Variants in SLC29A3 observed in about 807,000 individuals in gnomAD.
The protein encoded by SLC29A3 is solute carrier family 29 member 3.
In SLC29A3, 18 loss-of-function variants were observed where a neutral mutation model predicts 25.4. The observed-to-expected ratio is 0.71, with a 90% CI of 0.49 to 1.05. SLC29A3 has a LOEUF of 1.05. Among genes scored for constraint, SLC29A3 ranks in the 50% least tolerant of loss-of-function variants. The pLI, the probability that SLC29A3 is intolerant of heterozygous loss-of-function variation, is 0.00. For synonymous variants in SLC29A3, 258 were observed against 267.1 expected, an observed-to-expected ratio of 0.97 and a Z score of 0.33; for missense variants, 586 against 609.0, an observed-to-expected ratio of 0.96 and a Z score of 0.40.
intron 2 of SLC29A3, among the ~76,000 whole-genome samples, chr10:71,325,368 G>A (rs754322169): frequency 3.4e-4 from 52 of 152,284 alleles, no homozygotes; most frequent in Non-Finnish European, 8.8e-5. Flanking sequence ...GGGTTTCCAC[G>A]CACATGTGTG....
At chr10:71,337,744 T>G (rs1418236881) in intron 2 of SLC29A3, among the ~76,000 whole-genome samples, 1 of 152,230 alleles carries the variant, frequency 6.6e-6, no homozygotes, top group African/African-American at 2.4e-5. Flanking sequence ...GGGGCCTCCC[T>G]GCCCGAAGAA....
intron 2 of SLC29A3, among the ~76,000 whole-genome samples, chr10:71,325,417 A>G (rs1845942645): frequency 6.6e-6 from 1 of 152,164 alleles, no homozygotes; most frequent in African/African-American, 2.4e-5. Context: ...TCATCGGCAC[A>G]TTACCCGTCC....
intron 3 of SLC29A3, among the ~76,000 whole-genome samples, chr10:71,374,731 G>A (rs1481583685): frequency 6.6e-6 from 1 of 152,188 alleles, no homozygotes; most frequent in Non-Finnish European, 1.5e-5. Context: ...TGTAGAACCT[G>A]GATCCCCTAA....
Position 71,356,178 on chromosome 10 carries a change from G to A in SLC29A3, c.708G>A (p.Thr236=), listed in dbSNP as rs763763770. 3.5e-5 allele frequency: 56 copies of A among 1,613,982 alleles called. No individual in the cohort carries two copies. Among genetic ancestry groups the A allele is most frequent in the Non-Finnish European group, 4.3e-5 (51 of 1,179,996 alleles). Residue 236 remains threonine, a synonymous_variant, in exon 5 of 6, where the codon ACG becomes ACA. Coordinates refer to ENST00000373189, the MANE Select transcript of SLC29A3 (RefSeq NM_018344.6). Reference sequence around the variant, plus strand: ...ACAGCGCCCTGGCCTTCTTCCTGACGGCCACTGTCTTCCTCGTGCTCTGCA... The same window carrying A: ...ACAGCGCCCTGGCCTTCTTCCTGACAGCCACTGTCTTCCTCGTGCTCTGCA... ...VRNSALAFFL[T]ATVFLVLCMG...
intron 2 of SLC29A3, 107 bp from the exon 3 acceptor site, chr10:71,344,102 G>A: frequency 1.1e-6 from 1 of 918,334 alleles, no homozygotes; most frequent in Non-Finnish European, 1.8e-6. Context: ...GGTGTCTGAA[G>A]ACAGTGGGGA....
At chr10:71,346,544 A>T (rs1375785028) in intron 3 of SLC29A3, among the ~76,000 whole-genome samples, 1 of 152,168 alleles carries the variant, frequency 6.6e-6, no homozygotes, top group African/African-American at 2.4e-5. Context: ...ACAAAAATAA[A>T]TTTTTAAAAA....
At chr10:71,335,093 C>T (rs907695828) in intron 2 of SLC29A3, among the ~76,000 whole-genome samples, 1 of 151,948 alleles carries the variant, frequency 6.6e-6, no homozygotes, top group Non-Finnish European at 1.5e-5. Context: ...TGCCTTTCAC[C>T]TTTAGTGAGT....
intron 2 of SLC29A3, among the ~76,000 whole-genome samples, chr10:71,338,518 G>A (rs994112197): frequency 6.6e-6 from 1 of 152,156 alleles, no homozygotes; most frequent in Non-Finnish European, 1.5e-5. Context: ...AACACTTTGG[G>A]AGGTCAAAGC....
chr10:71,326,641 G>A (rs966125688), intron 2 of SLC29A3, among the ~76,000 whole-genome samples: 10 of 152,250 alleles, frequency 6.6e-5, no homozygotes, highest in Non-Finnish European at 1.3e-4. Context: ...GGATCAAGCA[G>A]CCTCTGGAGG....
intron 1 of SLC29A3, among the ~76,000 whole-genome samples, chr10:71,320,961 C>A (rs1359403232): frequency 1.3e-5 from 2 of 152,030 alleles, no homozygotes; most frequent in African/African-American, 4.8e-5. Flanking sequence ...GGCTGTGTAA[C>A]TTCACTCTTG....
rs751759203 is a variant in SLC29A3 at position 71,362,390 on chromosome 10, C to G, written c.1210C>G (p.Leu404Val). The G allele has an allele frequency of 1.2e-6, 2 of 1,614,202 alleles. No individual in the cohort carries two copies. The highest frequency in any genetic ancestry group is 1.7e-6 in the Non-Finnish European group (2 of 1,180,042). ...CTGTAACTACCAGCCCCGCGTCCAC[C>G]TGAAGACTGTGGTCTTCCAGTCCGA... is the stretch of plus-strand genomic sequence containing the variant. ...VLCNYQPRVH[L>V]KTVVFQSDVY... Residue 404 changes from leucine (L) to valine (V), a missense_variant, in exon 6 of 6, where the codon CTG (leucine) becomes GTG (valine). Physicochemically the swap from Leu to Val is conservative, Grantham distance 32 (BLOSUM62 1). Transcript: ENST00000373189.
intron 2 of SLC29A3, among the ~76,000 whole-genome samples, chr10:71,334,325 G>A (rs369037622): frequency 3.3e-5 from 5 of 152,218 alleles, no homozygotes; most frequent in African/African-American, 9.6e-5. Flanking sequence ...GGCCGACCGC[G>A]TTCCAGTGTT....
chr10:71,351,592 A>G lies in SLC29A3; in HGVS notation c.414A>G (p.Ser138=), dbSNP rs769835923. ...RVAVHIRVLA[S]LTVILAIFMV... ...CAGTCCACATCCGTGTCCTGGCCTC[A>G]CTGACGGTCATCCTGGCCATCTTCA... Residue 138 remains serine, a synonymous_variant, in exon 4 of 6, where the codon TCA becomes TCG. Coordinates refer to ENST00000373189, the MANE Select transcript of SLC29A3 (RefSeq NM_018344.6). 5.6e-6 allele frequency: 9 copies of G among 1,614,202 alleles called. No individual in the cohort carries two copies. The highest frequency in any genetic ancestry group is 7.6e-6 in the Non-Finnish European group (9 of 1,180,024).
At chr10:71,320,330 T>C (rs976171341) in intron 1 of SLC29A3, among the ~76,000 whole-genome samples, 4 of 152,248 alleles carry the variant, frequency 2.6e-5, no homozygotes, top group African/African-American at 9.6e-5. Context: ...ATTTTTAAAA[T>C]GTAACAAGTG....
chr10:71,319,579 C>G (rs866557731), intron 1 of SLC29A3: 51 of 389,922 alleles, frequency 1.3e-4, no homozygotes, highest in African/African-American at 9.6e-4. Context: ...ATGGTGGGGG[C>G]CTGGTATGGA....
intron 4 of SLC29A3, among the ~76,000 whole-genome samples, chr10:71,376,146 T>C (rs915473852): frequency 6.6e-6 from 1 of 152,256 alleles, no homozygotes; most frequent in Non-Finnish European, 1.5e-5. Flanking sequence ...AGATTGTTCC[T>C]GTCCTAAGTA....
At chr10:71,377,418 G>A (rs1349674992) in intron 4 of SLC29A3, among the ~76,000 whole-genome samples, 1 of 152,236 alleles carries the variant, frequency 6.6e-6, no homozygotes, top group Non-Finnish European at 1.5e-5. Flanking sequence ...CTAGAGCCAG[G>A]GACTGGACCG....
intron 2 of SLC29A3, among the ~76,000 whole-genome samples, chr10:71,333,214 T>A (rs1431978522): frequency 6.6e-6 from 1 of 152,238 alleles, no homozygotes; most frequent in Non-Finnish European, 1.5e-5. Context: ...ACTGGGTGCC[T>A]GGGACCTCCT....
At chr10:71,333,067 C>T (rs1846157990) in intron 2 of SLC29A3, among the ~76,000 whole-genome samples, 1 of 152,236 alleles carries the variant, frequency 6.6e-6, no homozygotes, top group Admixed American at 6.5e-5. Context: ...AGAAGATGGC[C>T]TGGACCTTAA....
Sources: gnomAD v4.1 joint callset for allele counts (sites outside exome capture counted in the v4.1 genomes callset) on GRCh38, gnomAD v4.1.1 for gene constraint, MANE v1.5 for transcripts, NCBI Gene and HGNC (gene_info 2026-07-23, HGNC 2026-07-21) for gene names.